The following CHD2 variants were observed in gnomAD, a reference collection of about 807,000 sequenced individuals.
The protein encoded by CHD2 is chromodomain helicase DNA binding protein 2, also known as ATP-dependent chromatin remodeler CHD2.
A neutral mutation model predicts 243.9 loss-of-function variants in CHD2; 28 were observed. The observed-to-expected ratio is 0.11, with a 90% CI of 0.09 to 0.16. CHD2 has a LOEUF of 0.16. Among genes scored for constraint, CHD2 ranks in the 10% least tolerant of loss-of-function variants. The probability of loss-of-function intolerance (pLI) is 1.00; values close to 1 mark genes in which losing one functional copy is unlikely to be tolerated. For synonymous variants in CHD2, 775 were observed against 779.0 expected (o/e 0.99, Z 0.09); for missense variants, 1,386 against 2,209.8 (o/e 0.63, Z 7.47).
rs2054200789 is a variant in CHD2, at chr15:92,997,320, C to T, written c.3802C>T (p.Arg1268Cys). 2 of 1,613,730 alleles carry T rather than the reference C, an allele frequency of 1.2e-6. No homozygotes were observed. Among genetic ancestry groups the T allele is most frequent in the Non-Finnish European group, 1.7e-6 (2 of 1,179,872 alleles). ...AGAGTGGGGGGTGGAAGATGATTCTCGCCTGTTGCTGGGGATTTATGAACA... is the reference window on the plus strand; with the variant it reads ...AGAGTGGGGGGTGGAAGATGATTCTTGCCTGTTGCTGGGGATTTATGAACA... ...DVEWGVEDDS[R>C]LLLGIYEHGY... Residue 1268 changes from arginine to cysteine, a missense_variant, in exon 30 of 39, where the codon CGC (arginine) becomes TGC (cysteine). Transcript: ENST00000394196. The surrounding 1 kb of genome is among the most constrained non-coding windows in gnomAD (Gnocchi z 4.1).
At chr15:92,904,052 G>GGCTTTGGT (rs1189847130) in intron 2 of CHD2, among the ~76,000 whole-genome samples, 1 of 152,178 alleles carries the variant, frequency 6.6e-6, no homozygotes, top group African/African-American at 2.4e-5. Flanking sequence ...TAAACTAATA[G>GGCTTTGGT]AAATCTGAAA....
At chr15:92,982,250 G>C (rs1381776934) in intron 24 of CHD2, among the ~76,000 whole-genome samples, 1 of 152,236 alleles carries the variant, frequency 6.6e-6, no homozygotes, top group Non-Finnish European at 1.5e-5. Flanking sequence ...TTAGGGAAGA[G>C]GAGGAAAGAG....
At chr15:92,904,342 A>T in intron 2 of CHD2, 1 of 638,394 alleles carries the variant, frequency 1.6e-6, no homozygotes, top group Non-Finnish European at 2.0e-6. Context: ...GCCTGGTAAC[A>T]GCAGGGTCAA....
Position 93,024,971 on chromosome 15 carries a change from G to A in CHD2, c.*266G>A, listed in dbSNP as rs1463270750. 1.4e-5 allele frequency: 6 copies of A among 440,190 alleles called. No homozygotes were observed. The highest frequency in any genetic ancestry group is 3.3e-5 in the South Asian group (1 of 29,938). The allele number at this position is 440,190 out of a possible 1,614,324, so 27.3% of individuals were successfully genotyped here. A position where few individuals can be genotyped will look rare whatever the true frequency, so the allele number is the denominator to read the frequency against. On this transcript the variant is annotated 3_prime_UTR_variant, in exon 39 of 39. Transcript: ENST00000394196. Reference sequence around the variant, plus strand: ...ACTTTGACGGGCACTTGGAGGAGGAGCTGACTGTGTGTGTACCAGCTTCAC... The same window carrying A: ...ACTTTGACGGGCACTTGGAGGAGGAACTGACTGTGTGTGTACCAGCTTCAC...
chr15:93,005,438 A>G (rs1325180047), intron 34 of CHD2, among the ~76,000 whole-genome samples: 1 of 152,112 alleles, frequency 6.6e-6, no homozygotes, highest in East Asian at 1.9e-4. Context: ...AGCTGCAGGT[A>G]TAGATTTCAC....
chr15:92,980,473 CG>C (rs1224411517), intron 22 of CHD2, among the ~76,000 whole-genome samples: 4 of 152,072 alleles, frequency 2.6e-5, no homozygotes, highest in Admixed American at 2.6e-4. Context: ...TATTTTGGAC[CG>C]GGGTTGAGAA....
At chr15:92,935,775 C>G (rs1034641397) in intron 5 of CHD2, among the ~76,000 whole-genome samples, 1 of 151,878 alleles carries the variant, frequency 6.6e-6, no homozygotes, top group African/African-American at 2.4e-5. Context: ...TACTATGCTC[C>G]GGGGAAGCAG....
chr15:93,021,490 T>C (rs532949685), intron 38 of CHD2: 10 of 152,372 alleles, frequency 6.6e-5, no homozygotes, highest in African/African-American at 2.2e-4. Flanking sequence ...GAGATTCTCA[T>C]TACACCTATA....
intron 36 of CHD2, among the ~76,000 whole-genome samples, chr15:93,013,907 C>T (rs1236707451): frequency 3.6e-5 from 4 of 110,094 alleles, no homozygotes; most frequent in East Asian, 3.1e-4. Flanking sequence ...TGAATGCCTG[C>T]GACAGAGTGA....
At chr15:92,966,286 A>G (rs1247851272) in intron 16 of CHD2, among the ~76,000 whole-genome samples, 1 of 150,048 alleles carries the variant, frequency 6.7e-6, no homozygotes, top group Non-Finnish European at 1.5e-5. Context: ...CTGGTCTCGA[A>G]CTCCTGACCT....
chr15:92,972,344 T>G lies in CHD2; in HGVS notation c.2432T>G (p.Leu811Arg). 6.2e-7 allele frequency: 1 copy of G among 1,612,706 alleles called. No individual in the cohort carries two copies. Among genetic ancestry groups the G allele is most frequent in the Non-Finnish European group, 8.5e-7 (1 of 1,179,402 alleles). Residue 811 changes from leucine (L) to arginine (R), a missense_variant, in exon 19 of 39, where the codon CTT becomes CGT. Physicochemically the swap from Leu to Arg is moderately radical, Grantham distance 102. Coordinates refer to ENST00000394196, the MANE Select transcript of CHD2 (RefSeq NM_001271.4). ...TRLRERGNRV[L>R]IFSQMVRMLD... is the part of the protein sequence containing the mutation. ...CTTCGAGAAAGGGGGAATCGAGTGCTTATCTTCTCTCAGATGGTGAGAATG... is the reference window on the plus strand; with the variant it reads ...CTTCGAGAAAGGGGGAATCGAGTGCGTATCTTCTCTCAGATGGTGAGAATG...
intron 2 of CHD2, among the ~76,000 whole-genome samples, chr15:92,906,460 A>C (rs1370905614): frequency 6.6e-6 from 1 of 152,142 alleles, no homozygotes; most frequent in Non-Finnish European, 1.5e-5. Context: ...TTTTAACTAA[A>C]ACTCACAGAT....
intron 2 of CHD2, among the ~76,000 whole-genome samples, chr15:92,919,315 TTTC>T (rs1174295677): frequency 1.3e-5 from 2 of 152,208 alleles, no homozygotes; most frequent in Non-Finnish European, 2.9e-5. Context: ...GGCTTTTTTT[TTTC>T]TTCTTTAAGC....
chr15:92,998,716 C>A lies in CHD2; in HGVS notation c.4008+95C>A. 1 of 1,418,740 alleles carries A rather than the reference C, an allele frequency of 7.0e-7. No homozygotes were observed. Among genetic ancestry groups the A allele is most frequent in the Non-Finnish European group, 9.6e-7 (1 of 1,043,720 alleles). 87.9% of individuals were successfully genotyped at this position (1,418,740 alleles called of 1,614,324 possible). A position where few individuals can be genotyped will look rare whatever the true frequency, so the allele number is the denominator to read the frequency against. On this transcript the variant is annotated intron_variant, in intron 31 of 38. Coordinates refer to ENST00000394196, the MANE Select transcript of CHD2 (RefSeq NM_001271.4). The surrounding 1 kb of genome is among the most constrained non-coding windows in gnomAD (Gnocchi z 5.1). ...AGAGAGGCCCTCTCTGAGCACTGCA[C>A]AGAATGTCACCTTCTCATGGGCATA...
intron 16 of CHD2, among the ~76,000 whole-genome samples, chr15:92,964,296 G>A (rs1286956228): frequency 1.3e-5 from 2 of 152,158 alleles, no homozygotes; most frequent in African/African-American, 4.8e-5. Flanking sequence ...CAAAATTGTT[G>A]TTCACAAAGA....
rs768370702 is a variant in CHD2 at position 93,024,372 on chromosome 15, G to A, written c.5154G>A (p.Arg1718=). Residue 1718 remains arginine (R), a splice_region_variant and synonymous_variant, in exon 39 of 39, where the codon AGG becomes AGA. Coordinates refer to ENST00000394196, the MANE Select transcript of CHD2 (RefSeq NM_001271.4). ...ACTAATCCTTGCATCTCTATTTCAG[G>A]CACCATCATGACTCCAAGCGGAGGA... ...DHRGHRDYYD[R]HHHDSKRRRS... The A allele has an allele frequency of 1.9e-6, 3 of 1,610,658 alleles. No individual in the cohort carries two copies. Among genetic ancestry groups the A allele is most frequent in the East Asian group, 2.2e-5 (1 of 44,840 alleles).
chr15:92,925,711 A>G (rs562024458), intron 3 of CHD2, among the ~76,000 whole-genome samples: 4 of 152,158 alleles, frequency 2.6e-5, no homozygotes, highest in African/African-American at 7.2e-5. Flanking sequence ...GCCTCTACCT[A>G]TATTTCCTAC....
chr15:92,998,445 C>T lies in CHD2; in HGVS notation c.3886-54C>T. ...TTTTGTTGTCTCTGTTTATCCTGAT[C>T]CACTAACCAGGATGTGGGTGGTGGC... On this transcript the variant is annotated intron_variant, in intron 30 of 38. Coordinates refer to ENST00000394196, the MANE Select transcript of CHD2 (RefSeq NM_001271.4). The surrounding 1 kb of genome is among the most constrained non-coding windows in gnomAD (Gnocchi z 5.1). 1 of 1,608,658 alleles carries T rather than the reference C, an allele frequency of 6.2e-7. No individual in the cohort carries two copies. Among genetic ancestry groups the T allele is most frequent in the Non-Finnish European group, 8.5e-7 (1 of 1,176,592 alleles).
chr15:93,004,790 G>A (rs766647168), intron 34 of CHD2, 39 bp downstream of exon 34: 47 of 1,595,718 alleles, frequency 2.9e-5, no homozygotes, highest in Admixed American at 6.8e-5. Context: ...GTCTGCAGCC[G>A]CGGTACTTGC....
Sources: allele counts gnomAD v4.1 joint callset (sites outside exome capture counted in the v4.1 genomes callset), GRCh38; gene constraint gnomAD v4.1.1; non-coding constraint Gnocchi (gnomAD v3.1); transcripts MANE v1.5; gene names NCBI Gene and HGNC (gene_info 2026-07-23, HGNC 2026-07-21).